BID: variants seen among roughly 807,000 people sequenced by gnomAD.
BID encodes BH3 interacting domain death agonist.
BID carries 19 observed loss-of-function variants against 17.4 expected under a neutral mutation model. The observed-to-expected ratio is 1.09, with a 90% CI of 0.76 to 1.60. BID has a LOEUF of 1.60. Among genes scored for constraint, BID ranks in the 40% most tolerant of loss-of-function variants. BID has a pLI of 0.00. For missense variants in BID, 226 were observed against 256.0 expected (o/e 0.88, Z 0.80); for synonymous variants, 108 against 102.8 (o/e 1.05, Z -0.31).
intron 5 of BID, among the ~76,000 whole-genome samples, chr22:17,736,962 C>G (rs1253129871): frequency 6.6e-6 from 1 of 152,018 alleles, no homozygotes; most frequent in African/African-American, 2.4e-5. Flanking sequence ...CGCCACCACA[C>G]CCAGCTAATT....
chr22:17,764,143 T>C (rs555678851), intron 1 of BID: 4 of 154,718 alleles, frequency 2.6e-5, no homozygotes, highest in African/African-American at 9.6e-5. Flanking sequence ...CAGCGGACCA[T>C]GGGCAAGTCA....
In BID at chr22:17,773,658, C is replaced by G. The variant is rs750118574; in HGVS notation, c.-59+723G>C. ...GCCGGCCCGGCCCCTCGCTGCCCAC[C>G]GAGCCATCATGACCCCAGCACCGCT... On this transcript the variant is annotated intron_variant, in intron 1 of 5. Coordinates refer to ENST00000622694, the MANE Select transcript of BID (RefSeq NM_001196.4). The surrounding 1 kb of genome is among the most constrained non-coding windows in gnomAD (Gnocchi z 4.4). The G allele has an allele frequency of 6.2e-7, 1 of 1,611,642 alleles. No individual in the cohort carries two copies. The highest frequency in any genetic ancestry group is 1.1e-5 in the South Asian group (1 of 91,076).
At position 17,736,460 on chromosome 22, in the gene BID, A is replaced by C. The variant is rs1276967468; in HGVS notation, c.577-869T>G. ...CAACAAGAGCAAAATTCTGTCTCAA[A>C]AAAAAAAAAAAAAAAAATTCCCAAA... On this transcript the variant is annotated intron_variant, in intron 5 of 5. Coordinates refer to ENST00000622694, the MANE Select transcript of BID (RefSeq NM_001196.4). Among the ~76,000 whole-genome samples, 3 of 16,384 alleles carry C rather than the reference A, an allele frequency of 1.8e-4. No homozygotes were observed. The East Asian group carries it at 0.062, about 341-fold the overall frequency. 10.7% of individuals were successfully genotyped at this position (16,384 alleles called of 152,430 possible).
chr22:17,760,133 CAA>C (rs34899110), intron 1 of BID, among the ~76,000 whole-genome samples: 8 of 65,162 alleles, frequency 1.2e-4, no homozygotes, highest in Admixed American at 1.9e-4. Context: ...GACTCCATCT[CAA>C]AAAAAAAAAA....
At chr22:17,766,756 ATTGT>A (rs1331851762) in intron 1 of BID, among the ~76,000 whole-genome samples, 5 of 151,342 alleles carry the variant, frequency 3.3e-5, no homozygotes, top group Admixed American at 3.3e-4. Context: ...CGCCCGGCTA[ATTGT>A]TTGTATTTTT....
intron 1 of BID, among the ~76,000 whole-genome samples, chr22:17,751,056 G>A (rs1196089306): frequency 2.6e-5 from 4 of 151,866 alleles, no homozygotes; most frequent in African/African-American, 9.7e-5. Flanking sequence ...AGATCTGTGC[G>A]GCATCAGTAC....
chr22:17,753,861 G>C (rs2061559870), intron 1 of BID, among the ~76,000 whole-genome samples: 1 of 152,256 alleles, frequency 6.6e-6, no homozygotes, highest in African/African-American at 2.4e-5. Context: ...GCAGTGAGCA[G>C]GGTGAGGTGC....
chr22:17,756,476 T>TTTC lies in BID; in HGVS notation c.-58-6303_-58-6302insGAA, dbSNP rs1373173316. ...CTTTCTTTCTTTCTTTCTTTCTTTC[T>TTTC]TTTCTTTCTTTCTTTCTTTCTCTCT... On this transcript the variant is annotated intron_variant, in intron 1 of 5. Transcript: ENST00000622694. Among the ~76,000 whole-genome samples, 861 of 103,460 alleles carry TTTC rather than the reference T, an allele frequency of 8.3e-3. 7 individuals are homozygous for TTTC. The highest frequency in any genetic ancestry group is 0.028 in the African/African-American group (794 of 27,914). 67.9% of individuals were successfully genotyped at this position (103,460 alleles called of 152,430 possible). A position where few individuals can be genotyped will look rare whatever the true frequency, so the allele number is the denominator to read the frequency against.
intron 1 of BID, among the ~76,000 whole-genome samples, chr22:17,770,197 A>G (rs977913355): frequency 4.0e-5 from 6 of 151,856 alleles, no homozygotes; most frequent in Admixed American, 1.3e-4. Flanking sequence ...TCAATCCCCC[A>G]AGTCCATCTG....
chr22:17,771,837 T>C (rs1358487436), intron 1 of BID, among the ~76,000 whole-genome samples: 1 of 152,208 alleles, frequency 6.6e-6, no homozygotes, highest in Non-Finnish European at 1.5e-5. Flanking sequence ...TCTGAACCCC[T>C]GCCCCGGAAG....
chr22:17,750,274 C>T, intron 1 of BID, 100 bp from the exon 2 acceptor site: 4 of 1,045,684 alleles, frequency 3.8e-6, no homozygotes, highest in Non-Finnish European at 5.7e-6. Context: ...GAAATGGCGG[C>T]TGAGCCGAGG....
chr22:17,757,634 G>A (rs895931433), intron 1 of BID, among the ~76,000 whole-genome samples: 31 of 151,406 alleles, frequency 2.0e-4, no homozygotes, highest in Non-Finnish European at 2.8e-4. Flanking sequence ...GAGTGAACCC[G>A]GGAGGCGGAG....
At chr22:17,749,507 TAA>T (rs1228094151) in intron 2 of BID, among the ~76,000 whole-genome samples, 1 of 152,232 alleles carries the variant, frequency 6.6e-6, no homozygotes, top group Non-Finnish European at 1.5e-5. Flanking sequence ...TCCAGTGGGT[TAA>T]AAAATTTTTG....
chr22:17,771,487 C>T (rs1268209128), intron 1 of BID, among the ~76,000 whole-genome samples: 2 of 151,752 alleles, frequency 1.3e-5, no homozygotes, highest in African/African-American at 4.8e-5. Context: ...TCACAGCTCA[C>T]TATAGCCTTG....
chr22:17,765,279 AC>A (rs2061670166), intron 1 of BID, among the ~76,000 whole-genome samples: 1 of 152,130 alleles, frequency 6.6e-6, no homozygotes, highest in East Asian at 1.9e-4. Flanking sequence ...CAGTATGATC[AC>A]CCCCATTTGA....
intron 1 of BID, among the ~76,000 whole-genome samples, chr22:17,772,759 T>C (rs2145927984): frequency 6.6e-6 from 1 of 152,210 alleles, no homozygotes; most frequent in East Asian, 1.9e-4. Context: ...CATCCTCACG[T>C]CAGCCGAGCC....
At chr22:17,768,997 G>C (rs1297753295) in intron 1 of BID, among the ~76,000 whole-genome samples, 4 of 152,004 alleles carry the variant, frequency 2.6e-5, no homozygotes, top group African/African-American at 9.7e-5. Flanking sequence ...AGCAGAGATC[G>C]TGCCACTGCA....
chr22:17,746,288 C>T (rs976580877), intron 2 of BID, among the ~76,000 whole-genome samples: 3 of 152,158 alleles, frequency 2.0e-5, no homozygotes, highest in African/African-American at 4.8e-5. Flanking sequence ...GCCCAGTCCC[C>T]ACCAGTGCAC....
chr22:17,764,473 G>A lies in BID; in HGVS notation c.-59+9908C>T, dbSNP rs117011752. Among the ~76,000 whole-genome samples, 760 of 152,262 alleles carry A rather than the reference G, an allele frequency of 5.0e-3. 10 individuals are homozygous for A. Among genetic ancestry groups the A allele is most frequent in the Non-Finnish European group, 5.8e-3 (397 of 67,996 alleles). ...GTGTCCAAACTTTTCTCAAACCAGA[G>A]GGAAAAAAGGTCAAGGTTAGGTTAA... is the stretch of plus-strand genomic sequence containing the variant. On this transcript the variant is annotated intron_variant, in intron 1 of 5. Coordinates refer to ENST00000622694, the MANE Select transcript of BID (RefSeq NM_001196.4).
Sources: gnomAD v4.1 joint callset for allele counts (sites outside exome capture counted in the v4.1 genomes callset) on GRCh38, gnomAD v4.1.1 for gene constraint, Gnocchi (gnomAD v3.1) non-coding constraint, MANE v1.5 for transcripts, NCBI Gene and HGNC (gene_info 2026-07-23, HGNC 2026-07-21) for gene names.